Variants in JARID2 observed in about 807,000 individuals in gnomAD.
The protein encoded by JARID2 is protein Jumonji.
JARID2 carries 21 observed loss-of-function variants against 125.6 expected under a neutral mutation model. That is an observed-to-expected ratio of 0.17 (90% CI 0.12 to 0.24). The LOEUF (loss-of-function observed/expected upper bound fraction) is 0.24. Ranked by LOEUF, JARID2 falls within the 10% of genes least tolerant of loss-of-function variation. JARID2 has a pLI of 1.00. For synonymous variants in JARID2, 736 were observed against 661.6 expected, an observed-to-expected ratio of 1.11 and a Z score of -1.73; for missense variants, 1,303 against 1,639.6, an observed-to-expected ratio of 0.79 and a Z score of 3.55.
intron 1 of JARID2, among the ~76,000 whole-genome samples, chr6:15,292,777 C>T (rs1761275783): frequency 6.6e-6 from 1 of 152,190 alleles, no homozygotes; most frequent in Non-Finnish European, 1.5e-5. Context: ...AAGTGATCGT[C>T]CACTTCAGCA....
chr6:15,261,345 T>G (rs969581262), intron 1 of JARID2, among the ~76,000 whole-genome samples: 1 of 149,248 alleles, frequency 6.7e-6, no homozygotes, highest in Non-Finnish European at 1.5e-5. Context: ...GACGGAGTCT[T>G]GCTCTGTGGC....
chr6:15,473,442 T>C (rs1227409205), intron 5 of JARID2, among the ~76,000 whole-genome samples: 2 of 149,546 alleles, frequency 1.3e-5, no homozygotes, highest in Non-Finnish European at 3.0e-5. Context: ...AGTGTCTCAT[T>C]CATCTTTGTC....
chr6:15,430,534 A>T (rs549979692), intron 3 of JARID2, among the ~76,000 whole-genome samples: 1 of 152,364 alleles, frequency 6.6e-6, no homozygotes, highest in South Asian at 2.1e-4. Flanking sequence ...TGTTGAGTAT[A>T]TAACAGTATA....
At chr6:15,434,605 T>A (rs1561860743) in intron 3 of JARID2, among the ~76,000 whole-genome samples, 3 of 152,226 alleles carry the variant, frequency 2.0e-5, no homozygotes. Context: ...AGAATCCCAT[T>A]ATGTGAATTC....
intron 7 of JARID2, among the ~76,000 whole-genome samples, chr6:15,498,561 C>T (rs1770576255): frequency 6.6e-6 from 1 of 152,180 alleles, no homozygotes; most frequent in Non-Finnish European, 1.5e-5. Flanking sequence ...GGAAACAGGC[C>T]ACACCTCCAT....
intron 9 of JARID2, 49 bp downstream of exon 9, chr6:15,504,641 C>A: frequency 7.9e-7 from 1 of 1,268,376 alleles, no homozygotes; most frequent in Non-Finnish European, 1.2e-6. Flanking sequence ...GGGAACCCCT[C>A]GGCGAGCTGG....
At chr6:15,270,604 T>C (rs1042211694) in intron 1 of JARID2, among the ~76,000 whole-genome samples, 32 of 152,198 alleles carry the variant, frequency 2.1e-4, no homozygotes, top group African/African-American at 7.0e-4. Flanking sequence ...TAGCAGTGAC[T>C]GTGTTATTAA....
chr6:15,437,616 G>A (rs1241249922), intron 3 of JARID2, among the ~76,000 whole-genome samples: 1 of 152,076 alleles, frequency 6.6e-6, no homozygotes, highest in East Asian at 1.9e-4. Context: ...CTAATTAAAT[G>A]GATGAAAGAC....
intron 2 of JARID2, among the ~76,000 whole-genome samples, chr6:15,399,859 C>T (rs745327311): frequency 2.6e-5 from 4 of 152,208 alleles, no homozygotes; most frequent in Non-Finnish European, 4.4e-5. Context: ...ATCTTCCTCC[C>T]ATTGGAAGGG....
chr6:15,486,974 G>A lies in JARID2; in HGVS notation c.671-333G>A, dbSNP rs115679237. Among the ~76,000 whole-genome samples, 720 of 152,196 alleles carry A rather than the reference G, an allele frequency of 4.7e-3. 8 individuals carry two copies. The highest frequency in any genetic ancestry group is 0.016 in the African/African-American group (681 of 41,524). ...AGAGGTTAAGTGGACTCACAGGTCCGCATGGCTGGGGAGGCCTCAGGAAAC... is the reference window on the plus strand; with the variant it reads ...AGAGGTTAAGTGGACTCACAGGTCCACATGGCTGGGGAGGCCTCAGGAAAC... On this transcript the variant is annotated intron_variant, in intron 5 of 17. Transcript: ENST00000341776.
chr6:15,504,472 A>G, intron 8 of JARID2, 28 bp from the exon 9 acceptor site: 1 of 1,552,834 alleles, frequency 6.4e-7, no homozygotes, highest in Non-Finnish European at 8.9e-7. Context: ...TTGCTTCTGA[A>G]GCTTTACTGT....
chr6:15,361,804 A>G (rs1262931018), intron 1 of JARID2, among the ~76,000 whole-genome samples: 1 of 151,868 alleles, frequency 6.6e-6, no homozygotes, highest in East Asian at 1.9e-4. Context: ...GAAGAGGTTC[A>G]GTTTTGTTTA....
chr6:15,472,117 C>T (rs1449493046), intron 5 of JARID2, among the ~76,000 whole-genome samples: 3 of 151,516 alleles, frequency 2.0e-5, no homozygotes, highest in Admixed American at 6.6e-5. Context: ...TGATGTCTCT[C>T]GGTGAGGGGC....
chr6:15,470,342 G>A (rs975613473), intron 5 of JARID2, among the ~76,000 whole-genome samples: 73 of 152,224 alleles, frequency 4.8e-4, no homozygotes, highest in African/African-American at 1.6e-3. Flanking sequence ...TACAAATGGC[G>A]GAAAATCAGT....
intron 1 of JARID2, among the ~76,000 whole-genome samples, chr6:15,338,250 G>A (rs1039593004): frequency 7.9e-5 from 12 of 152,248 alleles, no homozygotes; most frequent in Admixed American, 2.6e-4. Context: ...AATGAGGGAC[G>A]CCTCTATTCC....
At chr6:15,366,093 C>T (rs1763962226) in intron 1 of JARID2, among the ~76,000 whole-genome samples, 1 of 152,142 alleles carries the variant, frequency 6.6e-6, no homozygotes, top group Non-Finnish European at 1.5e-5. Flanking sequence ...CATTCCCTCC[C>T]AATTTTTTAT....
At chr6:15,440,890 A>T (rs965280553) in intron 3 of JARID2, among the ~76,000 whole-genome samples, 6 of 152,202 alleles carry the variant, frequency 3.9e-5, no homozygotes, top group African/African-American at 1.4e-4. Context: ...TGTCAGAGAC[A>T]ATGTGTCAGT....
intron 1 of JARID2, among the ~76,000 whole-genome samples, chr6:15,355,579 T>C (rs1193744251): frequency 6.6e-6 from 1 of 152,038 alleles, no homozygotes; most frequent in Non-Finnish European, 1.5e-5. Context: ...GTTCATAGAC[T>C]TTTAGTCCTT....
At chr6:15,443,799 C>G (rs1767546550) in intron 3 of JARID2, among the ~76,000 whole-genome samples, 1 of 151,932 alleles carries the variant, frequency 6.6e-6, no homozygotes. Context: ...AAAAAAACCA[C>G]CTAAGAAAAA....
Sources: allele counts gnomAD v4.1 joint callset (sites outside exome capture counted in the v4.1 genomes callset), GRCh38; gene constraint gnomAD v4.1.1; transcripts MANE v1.5; gene names NCBI Gene and HGNC (gene_info 2026-07-23, HGNC 2026-07-21).